The following MACROD2 variants were observed in gnomAD, a reference collection of about 807,000 sequenced individuals.
The protein encoded by MACROD2 is ADP-ribose glycohydrolase MACROD2.
Under a neutral mutation model 70.4 loss-of-function variants are expected in MACROD2, and 36 were observed. The observed-to-expected ratio is 0.51, with a 90% CI of 0.39 to 0.68. The LOEUF is 0.68. Ranked by LOEUF, MACROD2 falls within the 30% of genes least tolerant of loss-of-function variation. MACROD2 has a pLI of 0.00. For synonymous variants in MACROD2, 172 were observed against 178.8 expected, an observed-to-expected ratio of 0.96 and a Z score of 0.30; for missense variants, 496 against 538.4, an observed-to-expected ratio of 0.92 and a Z score of 0.78.
chr20:15,416,747 A>G (rs1260755326), intron 6 of MACROD2, among the ~76,000 whole-genome samples: 1 of 148,744 alleles, frequency 6.7e-6, no homozygotes, highest in Non-Finnish European at 1.5e-5. Context: ...TACTAAAAAT[A>G]CAAAAAATTA....
At chr20:15,604,672 T>A (rs533905140) in intron 8 of MACROD2, among the ~76,000 whole-genome samples, 1 of 152,294 alleles carries the variant, frequency 6.6e-6, no homozygotes, top group African/African-American at 2.4e-5. Context: ...GGGACGCAGA[T>A]ACATGCCACC....
chr20:14,199,855 A>G (rs949892983), intron 3 of MACROD2, among the ~76,000 whole-genome samples: 1 of 152,202 alleles, frequency 6.6e-6, no homozygotes, highest in Admixed American at 6.5e-5. Context: ...CAGGGAAGGT[A>G]AGTGGACTGT....
chr20:14,147,325 T>G (rs2054955124), intron 3 of MACROD2, among the ~76,000 whole-genome samples: 1 of 152,244 alleles, frequency 6.6e-6, no homozygotes, highest in South Asian at 2.1e-4. Flanking sequence ...CATTCATTCC[T>G]TCAGCAATAG....
intron 5 of MACROD2, among the ~76,000 whole-genome samples, chr20:14,686,214 T>A (rs950373195): frequency 6.6e-6 from 1 of 152,146 alleles, no homozygotes; most frequent in African/African-American, 2.4e-5. Flanking sequence ...CCAGACATGA[T>A]TTGGATTTCA....
At chr20:14,519,835 A>T (rs1235886674) in intron 4 of MACROD2, among the ~76,000 whole-genome samples, 1 of 152,208 alleles carries the variant, frequency 6.6e-6, no homozygotes, top group Non-Finnish European at 1.5e-5. Flanking sequence ...TTAATGATAG[A>T]CTGGATAAAG....
chr20:15,876,397 A>C (rs1259926359), intron 9 of MACROD2, among the ~76,000 whole-genome samples: 1 of 151,978 alleles, frequency 6.6e-6, no homozygotes, highest in Admixed American at 6.6e-5. Flanking sequence ...GTTTGCTGAG[A>C]ATGATGGTTT....
chr20:14,606,166 C>T (rs578068678), intron 4 of MACROD2, among the ~76,000 whole-genome samples: 1 of 152,248 alleles, frequency 6.6e-6, no homozygotes, highest in African/African-American at 2.4e-5. Context: ...CTGTCATTAT[C>T]TTTTCTATAT....
chr20:15,066,299 T>C (rs2075574536), intron 5 of MACROD2, among the ~76,000 whole-genome samples: 1 of 151,184 alleles, frequency 6.6e-6, no homozygotes. Context: ...GCCTGGCTAA[T>C]TTTTTTGTAT....
At chr20:15,057,712 A>G (rs931885660) in intron 5 of MACROD2, among the ~76,000 whole-genome samples, 2 of 152,202 alleles carry the variant, frequency 1.3e-5, no homozygotes, top group Non-Finnish European at 1.5e-5. Context: ...TCTGGGTGTG[A>G]ACATTTGTGT....
intron 8 of MACROD2, among the ~76,000 whole-genome samples, chr20:15,674,674 G>T (rs1365795505): frequency 2.0e-5 from 3 of 151,740 alleles, no homozygotes; most frequent in Non-Finnish European, 4.4e-5. Flanking sequence ...CTGCATCCTC[G>T]CATGGTAGGC....
intron 4 of MACROD2, among the ~76,000 whole-genome samples, chr20:14,625,448 T>C (rs1280736593): frequency 6.6e-6 from 1 of 152,042 alleles, no homozygotes; most frequent in Admixed American, 6.6e-5. Flanking sequence ...TGTTAATGCC[T>C]GTCAGAGGGC....
chr20:15,138,387 T>G (rs891424043), intron 5 of MACROD2, among the ~76,000 whole-genome samples: 1 of 152,212 alleles, frequency 6.6e-6, no homozygotes, highest in African/African-American at 2.4e-5. Flanking sequence ...TGAGAATTTA[T>G]GCATGTGAAA....
At chr20:14,793,837 A>G (rs964232056) in intron 5 of MACROD2, among the ~76,000 whole-genome samples, 3 of 152,072 alleles carry the variant, frequency 2.0e-5, no homozygotes, top group African/African-American at 7.3e-5. Flanking sequence ...CAAAAACAGT[A>G]GAAGATAGAA....
intron 9 of MACROD2, among the ~76,000 whole-genome samples, chr20:15,871,194 T>TAAAA (rs1491354584): frequency 7.8e-6 from 1 of 128,432 alleles, no homozygotes; most frequent in Non-Finnish European, 1.7e-5. Flanking sequence ...AAAAAAAAAA[T>TAAAA]TATAAAATTA....
chr20:14,564,115 A>G (rs6079493), intron 4 of MACROD2, among the ~76,000 whole-genome samples: 99,764 of 151,754 alleles, frequency 0.66, 33,987 homozygotes, highest in East Asian at 0.93. Flanking sequence ...TATTCAATAA[A>G]TGGTGCTGGG....
At chr20:14,419,609 A>T (rs1477239660) in intron 3 of MACROD2, among the ~76,000 whole-genome samples, 1 of 152,184 alleles carries the variant, frequency 6.6e-6, no homozygotes, top group East Asian at 1.9e-4. Flanking sequence ...TTATTGTAAA[A>T]TATTTTAAAA....
intron 5 of MACROD2, among the ~76,000 whole-genome samples, chr20:14,961,525 T>C (rs1026662436): frequency 3.9e-5 from 6 of 152,040 alleles, no homozygotes; most frequent in Non-Finnish European, 7.4e-5. Flanking sequence ...GTTTTTTGGG[T>C]TGTTGTTTTG....
At chr20:14,210,327 A>G (rs1448833187) in intron 3 of MACROD2, among the ~76,000 whole-genome samples, 3 of 152,238 alleles carry the variant, frequency 2.0e-5, no homozygotes, top group Admixed American at 2.0e-4. Flanking sequence ...TGTCAGAGGT[A>G]GAATCCACAT....
intron 3 of MACROD2, among the ~76,000 whole-genome samples, chr20:14,411,330 T>C (rs2083746695): frequency 6.6e-6 from 1 of 151,786 alleles, no homozygotes; most frequent in African/African-American, 2.4e-5. Context: ...GGTTAGGGAG[T>C]AGTTAGTCAC....
Sources: gnomAD v4.1 joint callset for allele counts (sites outside exome capture counted in the v4.1 genomes callset) on GRCh38, gnomAD v4.1.1 for gene constraint, MANE v1.5 for transcripts, NCBI Gene and HGNC (gene_info 2026-07-23, HGNC 2026-07-21) for gene names.